Variants in ADD2 observed in about 807,000 individuals in gnomAD.
ADD2 encodes beta-adducin.
ADD2 carries 23 observed loss-of-function variants against 83.0 expected under a neutral mutation model. The observed-to-expected ratio is 0.28, with a 90% CI of 0.20 to 0.39. The LOEUF is 0.39. Among genes scored for constraint, ADD2 ranks in the 10% least tolerant of loss-of-function variants. ADD2 has a pLI of 1.00. For synonymous variants in ADD2, 375 were observed against 375.4 expected, an observed-to-expected ratio of 1.00 and a Z score of 0.01; for missense variants, 758 against 944.9, an observed-to-expected ratio of 0.80 and a Z score of 2.59.
chr2:70,705,361 C>G (rs1671832474), intron 3 of ADD2, among the ~76,000 whole-genome samples: 1 of 152,214 alleles, frequency 6.6e-6, no homozygotes, highest in African/African-American at 2.4e-5. Flanking sequence ...TCACACAGCC[C>G]CTGCACAGGC....
chr2:70,726,453 GACTGCTCCAGTTC>G (rs1181458508), intron 1 of ADD2, among the ~76,000 whole-genome samples: 22 of 152,218 alleles, frequency 1.4e-4, no homozygotes, highest in African/African-American at 4.8e-4. Flanking sequence ...AATGAGTTTT[GACTGCTCCAGTTC>G]ATCACTCCCT....
intron 4 of ADD2, among the ~76,000 whole-genome samples, chr2:70,697,849 C>G (rs1263755714): frequency 6.6e-6 from 1 of 152,160 alleles, no homozygotes; most frequent in Non-Finnish European, 1.5e-5. Context: ...GCAGAGTAGG[C>G]CTTGAATCAC....
At chr2:70,675,544 A>T (rs1295013222) in intron 13 of ADD2, 1 of 985,336 alleles carries the variant, frequency 1.0e-6, no homozygotes, top group East Asian at 1.1e-4. Context: ...CTCTAGCCCA[A>T]GATAGGAACT....
Position 70,676,399 on chromosome 2 carries a change from C to G in ADD2, c.1593+397G>C. ...GAGCTCTGGTTGGATGATGTCATAC[C>G]AGGCTCAGAGGTCAGAGACTCTCAG... On this transcript the variant is annotated intron_variant, in intron 13 of 15. Transcript: ENST00000264436. This position sits in a 1 kb window ranked among gnomAD's most constrained non-coding sequence, Gnocchi z 4.8. 1 of 1,148,670 alleles carries G rather than the reference C, an allele frequency of 8.7e-7. No homozygotes were observed. The highest frequency in any genetic ancestry group is 4.5e-5 in the East Asian group (1 of 22,168). 71.2% of individuals were successfully genotyped at this position (1,148,670 alleles called of 1,614,324 possible).
intron 15 of ADD2, among the ~76,000 whole-genome samples, chr2:70,665,380 G>A (rs1178589574): frequency 6.6e-6 from 1 of 152,156 alleles, no homozygotes; most frequent in African/African-American, 2.4e-5. Flanking sequence ...TGGTATCAAA[G>A]ACTTTGGCCA....
At chr2:70,712,889 G>T (rs1302549722) in intron 2 of ADD2, among the ~76,000 whole-genome samples, 177 bp downstream of exon 2, 1 of 152,164 alleles carries the variant, frequency 6.6e-6, no homozygotes, top group Non-Finnish European at 1.5e-5. Flanking sequence ...TGACTTCTAA[G>T]GTCCTTCAGA....
chr2:70,694,285 T>A (rs1288535966), intron 6 of ADD2, among the ~76,000 whole-genome samples: 1 of 152,186 alleles, frequency 6.6e-6, no homozygotes, highest in Non-Finnish European at 1.5e-5. Flanking sequence ...CTACTAAGCA[T>A]AGAGGCCCGG....
Position 70,676,106 on chromosome 2 carries a change from T to C in ADD2, c.1593+690A>G. On this transcript the variant is annotated intron_variant, in intron 13 of 15. Coordinates refer to ENST00000264436, the MANE Select transcript of ADD2 (RefSeq NM_001617.4). This position sits in a 1 kb window ranked among gnomAD's most constrained non-coding sequence, Gnocchi z 4.8. ...CTGCAGAGAGGAACATTTCCTGTAT[T>C]TCCCCAATTTTTACTGCTAAGGAAA... 2.0e-6 allele frequency: 2 copies of C among 985,428 alleles called. No individual in the cohort carries two copies. Among genetic ancestry groups the C allele is most frequent in the Non-Finnish European group, 2.4e-6 (2 of 829,936 alleles). 61.0% of individuals were successfully genotyped at this position (985,428 alleles called of 1,614,324 possible). A position where few individuals can be genotyped will look rare whatever the true frequency, so the allele number is the denominator to read the frequency against.
chr2:70,711,240 C>T (rs1171807304), intron 2 of ADD2: 2 of 152,130 alleles, frequency 1.3e-5, no homozygotes, highest in African/African-American at 2.4e-5. Context: ...TTTCAAAAAC[C>T]TTTGGAATTC....
chr2:70,735,843 C>T (rs113957511), intron 1 of ADD2, among the ~76,000 whole-genome samples: 5,124 of 147,498 alleles, frequency 0.035, 327 homozygotes, highest in African/African-American at 0.12. Flanking sequence ...CTTAGGTGCC[C>T]GCAGCCATGC....
intron 15 of ADD2, among the ~76,000 whole-genome samples, chr2:70,670,013 G>A (rs1240671329): frequency 6.6e-6 from 1 of 152,142 alleles, no homozygotes; most frequent in African/African-American, 2.4e-5. Flanking sequence ...ACTGACTGGA[G>A]CCCTCCGCAG....
rs187649525 is a variant in ADD2, at chr2:70,733,215, T to C, written c.-153-20031A>G. Among the ~76,000 whole-genome samples the C allele has an allele frequency of 2.6e-5, 4 of 152,348 alleles. No individual in the cohort carries two copies. The East Asian group carries it at 5.8e-4, about 22-fold the overall frequency. On this transcript the variant is annotated intron_variant, in intron 1 of 15. Coordinates refer to ENST00000264436, the MANE Select transcript of ADD2 (RefSeq NM_001617.4). ...CCTGAGTTTTTCTGGTGGCAGATGT[T>C]GCCTCTTGCAGAGAGATGTAAAATC...
In ADD2 at chr2:70,658,069, C is replaced by T. The variant is rs1359264717; in HGVS notation, c.*5356G>A. 3 of 152,168 alleles carry T rather than the reference C, an allele frequency of 2.0e-5. No individual in the cohort carries two copies. The highest frequency in any genetic ancestry group is 4.4e-5 in the Non-Finnish European group (3 of 68,026). The allele number at this position is 152,168 out of a possible 1,614,324, so 9.4% of individuals were successfully genotyped here. A position where few individuals can be genotyped will look rare whatever the true frequency, so the allele number is the denominator to read the frequency against. ...AAACCTAATATCACCTAAGTATGAA[C>T]CAATGCGACCCATTGTTTCTGTATA... On this transcript the variant is annotated 3_prime_UTR_variant, in exon 16 of 16. Coordinates refer to ENST00000264436, the MANE Select transcript of ADD2 (RefSeq NM_001617.4).
intron 1 of ADD2, among the ~76,000 whole-genome samples, chr2:70,725,525 T>C (rs1203102208): frequency 1.3e-5 from 2 of 152,222 alleles, no homozygotes; most frequent in African/African-American, 4.8e-5. Flanking sequence ...GAAATAATCC[T>C]GGATCATCCA....
At chr2:70,765,485 T>C (rs890259913) in intron 1 of ADD2, among the ~76,000 whole-genome samples, 1 of 152,248 alleles carries the variant, frequency 6.6e-6, no homozygotes, top group Non-Finnish European at 1.5e-5. Context: ...ATTTGAGAGA[T>C]TTCTTGATGA....
intron 14 of ADD2, 104 bp downstream of exon 14, chr2:70,674,574 A>G: frequency 7.9e-7 from 1 of 1,259,302 alleles, no homozygotes; most frequent in Non-Finnish European, 1.1e-6. Flanking sequence ...TACAGTAGAA[A>G]TATTCTTTGA....
chr2:70,701,304 C>A (rs12476158), intron 4 of ADD2, among the ~76,000 whole-genome samples: 12,767 of 151,746 alleles, frequency 0.084, 659 homozygotes, highest in East Asian at 0.12. Flanking sequence ...GAAAAAAAAA[C>A]CAATAAATGG....
chr2:70,708,068 C>G (rs988851146), intron 2 of ADD2, among the ~76,000 whole-genome samples: 3 of 152,226 alleles, frequency 2.0e-5, no homozygotes, highest in Non-Finnish European at 4.4e-5. Context: ...GTAACCTCTT[C>G]TTCCACATTC....
chr2:70,673,070 A>C, intron 14 of ADD2, 64 bp from the exon 15 acceptor site: 2 of 1,573,004 alleles, frequency 1.3e-6, no homozygotes, highest in East Asian at 4.5e-5. Context: ...CAGGGAAATA[A>C]AGCCTTTTAA....
Sources: allele counts gnomAD v4.1 joint callset (sites outside exome capture counted in the v4.1 genomes callset), GRCh38; gene constraint gnomAD v4.1.1; non-coding constraint Gnocchi (gnomAD v3.1); transcripts MANE v1.5; gene names NCBI Gene and HGNC (gene_info 2026-07-23, HGNC 2026-07-21).